CSMD3: variants seen among roughly 807,000 people sequenced by gnomAD.
The protein encoded by CSMD3 is CUB and Sushi multiple domains 3.
In CSMD3, 177 loss-of-function variants were observed where a neutral mutation model predicts 435.2. The ratio of observed to expected loss-of-function variants is 0.41; its 90% CI spans 0.36 to 0.46. The LOEUF (loss-of-function observed/expected upper bound fraction) is 0.46. Ranked by LOEUF, CSMD3 falls within the 20% of genes least tolerant of loss-of-function variation. The pLI, the probability that CSMD3 is intolerant of heterozygous loss-of-function variation, is 0.34. For missense variants in CSMD3, 4,265 were observed against 4,504.6 expected, an observed-to-expected ratio of 0.95 and a Z score of 1.52; for synonymous variants, 1,656 against 1,520.5, an observed-to-expected ratio of 1.09 and a Z score of -2.07.
intron 22 of CSMD3, among the ~76,000 whole-genome samples, chr8:112,589,760 G>A (rs1206317579): frequency 6.6e-6 from 1 of 152,128 alleles, no homozygotes; most frequent in Non-Finnish European, 1.5e-5. Context: ...AGGAAGACAA[G>A]GGCATATATG....
intron 32 of CSMD3, among the ~76,000 whole-genome samples, chr8:112,456,511 GA>G (rs147569001): frequency 6.6e-6 from 1 of 151,796 alleles, no homozygotes; most frequent in African/African-American, 2.4e-5. Flanking sequence ...AAAATAAATG[GA>G]AAAAATACCT....
In CSMD3 at chr8:112,223,321, G is replaced by A. The variant is rs796947245; in HGVS notation, c.*1450C>T. 1 of 347,472 alleles carries A rather than the reference G, an allele frequency of 2.9e-6. No homozygotes were observed. The highest frequency in any genetic ancestry group is 5.2e-6 in the Non-Finnish European group (1 of 192,844). The allele number at this position is 347,472 out of a possible 1,614,324, so 21.5% of individuals were successfully genotyped here. ...CCAAGCAGCGCTCCCAGGTGCAAGG[G>A]TTTCTCTTAGGCACTCTGTCTCATG... On this transcript the variant is annotated 3_prime_UTR_variant, in exon 71 of 71. Coordinates refer to ENST00000297405, the MANE Select transcript of CSMD3 (RefSeq NM_198123.2).
rs565660471 is a variant in CSMD3, at chr8:112,951,761, TA to T, written c.1420+2922del. ...GGAATAAGTGGATAATATGAATGAATAAAAGTATGGATTTGAAGAATAAGAA... is the reference window on the plus strand; with the variant it reads ...GGAATAAGTGGATAATATGAATGAATAAAGTATGGATTTGAAGAATAAGAA... On this transcript the variant is annotated intron_variant, in intron 8 of 70. Coordinates refer to ENST00000297405, the MANE Select transcript of CSMD3 (RefSeq NM_198123.2). Among the ~76,000 whole-genome samples, 531 of 151,858 alleles carry T rather than the reference TA, an allele frequency of 3.5e-3. 4 individuals are homozygous for T. The highest frequency in any genetic ancestry group is 6.6e-3 in the Non-Finnish European group (445 of 67,712).
chr8:112,800,911 G>A (rs1201021625), intron 12 of CSMD3, among the ~76,000 whole-genome samples: 1 of 151,910 alleles, frequency 6.6e-6, no homozygotes, highest in African/African-American at 2.4e-5. Context: ...CATAAGAAGG[G>A]AAATTACTTC....
At chr8:112,479,367 G>A (rs927478017) in intron 31 of CSMD3, among the ~76,000 whole-genome samples, 2 of 152,166 alleles carry the variant, frequency 1.3e-5, no homozygotes, top group African/African-American at 4.8e-5. Flanking sequence ...TTCAGGAGTG[G>A]GATACAAGCA....
In CSMD3 at chr8:112,947,877, A is replaced by G; in HGVS notation, c.1421T>C (p.Leu474Ser). Reference protein sequence around the residue: ...GKDNSNKFSILNEGGIKTASN... With the variant: ...GKDNSNKFSISNEGGIKTASN... ...AGCTGTTTTAATACCTCCCTCATTT[A>G]CTGCAACAGCAGGGAAAAAAGAAAA... Residue 474 changes from leucine (L) to serine (S), a missense_variant and splice_region_variant, in exon 9 of 71, where the codon TTA becomes TCA. This residue lies in a region of CSMD3 where 731 missense variants were observed against 755.4 expected (regional missense o/e 0.97). Coordinates refer to ENST00000297405, the MANE Select transcript of CSMD3 (RefSeq NM_198123.2). 1 of 1,383,940 alleles carries G rather than the reference A, an allele frequency of 7.2e-7. No individual in the cohort carries two copies. The highest frequency in any genetic ancestry group is 1.0e-6 in the Non-Finnish European group (1 of 973,292). 85.7% of individuals were successfully genotyped at this position (1,383,940 alleles called of 1,614,324 possible).
At chr8:113,084,872 C>T (rs2089701483) in intron 5 of CSMD3, among the ~76,000 whole-genome samples, 1 of 151,914 alleles carries the variant, frequency 6.6e-6, no homozygotes, top group South Asian at 2.1e-4. Context: ...ACAGAACCCC[C>T]TCTTCAATAA....
rs1193229608 is a variant in CSMD3 at position 112,301,836 on chromosome 8, G to A, written c.8397C>T (p.Cys2799=). ...FMLVGSAVRE[C]LSSGLWSESE... ...ATTCACTCCAAAGACCTGAGGAAAG[G>A]CATTCCCTTACAGCAGAGCCCACAA... Residue 2799 remains cysteine, a synonymous_variant, in exon 53 of 71, where the codon TGC becomes TGT. Transcript: ENST00000297405. 1 of 1,613,838 alleles carries A rather than the reference G, an allele frequency of 6.2e-7. No individual in the cohort carries two copies. The highest frequency in any genetic ancestry group is 1.1e-5 in the South Asian group (1 of 91,068).
intron 27 of CSMD3, among the ~76,000 whole-genome samples, chr8:112,544,329 G>A (rs1011466170): frequency 6.6e-6 from 1 of 152,078 alleles, no homozygotes; most frequent in Non-Finnish European, 1.5e-5. Context: ...ACTTTAAAAT[G>A]ATGAGGATGT....
chr8:113,265,578 T>C (rs1401487224), intron 3 of CSMD3, among the ~76,000 whole-genome samples: 1 of 151,652 alleles, frequency 6.6e-6, no homozygotes, highest in African/African-American at 2.4e-5. Flanking sequence ...AAAAGTGATT[T>C]ATACCTTCCT....
chr8:112,637,974 T>C (rs993474643), intron 21 of CSMD3, among the ~76,000 whole-genome samples: 1 of 151,828 alleles, frequency 6.6e-6, no homozygotes, highest in Non-Finnish European at 1.5e-5. Flanking sequence ...GTGTCTGTAT[T>C]AAGAAATAGC....
At chr8:113,263,747 A>G (rs1191839475) in intron 3 of CSMD3, among the ~76,000 whole-genome samples, 1 of 151,874 alleles carries the variant, frequency 6.6e-6, no homozygotes, top group African/African-American at 2.4e-5. Context: ...TAAAATCAAC[A>G]TATGATACTG....
At chr8:112,336,864 A>C in intron 43 of CSMD3, 35 bp from the exon 44 acceptor site, 1 of 1,549,644 alleles carries the variant, frequency 6.5e-7, no homozygotes, top group East Asian at 2.3e-5. Context: ...ATAATATTTT[A>C]AAATAACAAT....
intron 60 of CSMD3, among the ~76,000 whole-genome samples, chr8:112,265,018 T>C (rs1816802034): frequency 6.6e-6 from 1 of 151,998 alleles, no homozygotes. Context: ...TCTTCCCAAA[T>C]TATAGAAAGA....
At chr8:113,186,778 C>G (rs991317320) in intron 3 of CSMD3, among the ~76,000 whole-genome samples, 1 of 151,968 alleles carries the variant, frequency 6.6e-6, no homozygotes, top group Non-Finnish European at 1.5e-5. Flanking sequence ...ATTTAACGTT[C>G]CACAGCAAGG....
chr8:113,344,760 C>T (rs891043713), intron 1 of CSMD3, among the ~76,000 whole-genome samples: 1 of 152,096 alleles, frequency 6.6e-6, no homozygotes, highest in Non-Finnish European at 1.5e-5. Flanking sequence ...TTTTCTGTAG[C>T]TAAGTTCTCT....
chr8:112,893,137 C>A (rs529361951), intron 10 of CSMD3, among the ~76,000 whole-genome samples: 16 of 151,444 alleles, frequency 1.1e-4, no homozygotes, highest in African/African-American at 3.4e-4. Context: ...ACTACTACTA[C>A]TATCAGCTTA....
At chr8:112,621,661 A>AT (rs960550518) in intron 22 of CSMD3, among the ~76,000 whole-genome samples, 3 of 151,948 alleles carry the variant, frequency 2.0e-5, no homozygotes, top group Admixed American at 6.6e-5. Context: ...CTAGGACACC[A>AT]TTTTTTTACT....
chr8:112,483,613 T>C (rs893900519), intron 31 of CSMD3, among the ~76,000 whole-genome samples: 1 of 152,120 alleles, frequency 6.6e-6, no homozygotes, highest in Non-Finnish European at 1.5e-5. Context: ...AGATCTGGTA[T>C]GTAGTGTGGG....
Sources: gnomAD v4.1 joint callset for allele counts (sites outside exome capture counted in the v4.1 genomes callset) on GRCh38, gnomAD v4.1.1 for gene constraint, gnomAD v4.1.1 regional missense constraint, MANE v1.5 for transcripts, NCBI Gene and HGNC (gene_info 2026-07-23, HGNC 2026-07-21) for gene names.